The following APOB variants were observed in gnomAD, a reference collection of about 807,000 sequenced individuals.
APOB encodes apolipoprotein B.
In APOB, 153 loss-of-function variants were observed where a neutral mutation model predicts 314.1. The observed-to-expected ratio is 0.49, with a 90% confidence interval of 0.43 to 0.56. The LOEUF (loss-of-function observed/expected upper bound fraction) is 0.56. APOB is among the 20% of genes least tolerant of loss of function. The probability of loss-of-function intolerance (pLI) is 0.00; values close to 1 mark genes in which losing one functional copy is unlikely to be tolerated. For synonymous variants in APOB, 2,087 were observed against 2,036.4 expected (o/e 1.02, Z -0.67); for missense variants, 5,430 against 5,350.7 (o/e 1.01, Z -0.46).
chr2:21,004,642 A>G lies in APOB; in HGVS notation c.11822T>C (p.Leu3941Ser). Residue 3941 changes from leucine to serine, a missense_variant, in exon 27 of 29, where the codon TTA becomes TCA. Leu to Ser is a moderately radical substitution (Grantham distance 145). Around this residue, in one of 3 missense-constraint regions of APOB, gnomAD observed 3,281 missense variants for 3,171.0 expected, o/e 1.03. Transcript: ENST00000233242. ...AAATGTTCCTTTAGTCTTAGAGGCTAACGTACCATCTTCGATTTTGTGTGT... is the reference window on the plus strand; with the variant it reads ...AAATGTTCCTTTAGTCTTAGAGGCTGACGTACCATCTTCGATTTTGTGTGT... The part of the protein sequence containing the change: ...LGTHKIEDGT[L>S]ASKTKGTFAH... 4.3e-6 allele frequency: 7 copies of G among 1,613,922 alleles called. No individual in the cohort carries two copies. The highest frequency in any genetic ancestry group is 5.9e-6 in the Non-Finnish European group (7 of 1,179,822).
chr2:21,038,205 T>A, intron 4 of APOB, 94 bp from the exon 5 acceptor site: 1 of 1,344,724 alleles, frequency 7.4e-7, no homozygotes, highest in South Asian at 1.2e-5. Context: ...TTTCTCATAT[T>A]TTTTTAACCA....
rs767395919 is a variant in APOB at position 21,007,438 on chromosome 2, T to G, written c.9430A>C (p.Thr3144Pro). 6.2e-7 allele frequency: 1 copy of G among 1,613,900 alleles called. No homozygotes were observed. Among genetic ancestry groups the G allele is most frequent in the South Asian group, 1.1e-5 (1 of 91,080 alleles). ...AGAGAGAAATCTTTCAGTGGAGGAGTTGTGATTATTGTGTAAGGTAGACGC... is the reference window on the plus strand; with the variant it reads ...AGAGAGAAATCTTTCAGTGGAGGAGGTGTGATTATTGTGTAAGGTAGACGC... ...EMRLPYTIIT[T>P]PPLKDFSLWE... The change falls in exon 26 of 29, where the codon ACT (threonine) becomes CCT (proline). Residue 3144 changes from threonine to proline, a missense_variant. Around this residue, in one of 3 missense-constraint regions of APOB, gnomAD observed 3,281 missense variants for 3,171.0 expected, o/e 1.03. Transcript: ENST00000233242.
chr2:21,004,955 T>C lies in APOB; in HGVS notation c.11788+125A>G, dbSNP rs977528613. On this transcript the variant is annotated intron_variant, in intron 26 of 28. Coordinates refer to ENST00000233242, the MANE Select transcript of APOB (RefSeq NM_000384.3). Reference sequence around the variant, plus strand: ...GTGTAGGGTATACATGTATCTCTTTTCTTACTTAAAATTTTGTGACATTGA... The same window carrying C: ...GTGTAGGGTATACATGTATCTCTTTCCTTACTTAAAATTTTGTGACATTGA... 4.2e-5 allele frequency: 56 copies of C among 1,339,042 alleles called. No homozygotes were observed. In the African/African-American group the frequency reaches 7.8e-4, roughly 19 times the overall value. The allele number at this position is 1,339,042 out of a possible 1,614,324, so 82.9% of individuals were successfully genotyped here. A position where few individuals can be genotyped will look rare whatever the true frequency, so the allele number is the denominator to read the frequency against.
Position 21,008,233 on chromosome 2 carries a change from T to A in APOB, c.8635A>T (p.Asn2879Tyr), listed in dbSNP as rs200367807. 10 of 1,614,116 alleles carry A rather than the reference T, an allele frequency of 6.2e-6. No homozygotes were observed. In the African/African-American group the frequency reaches 8.0e-5, roughly 13 times the overall value. Residue 2879 changes from asparagine (N) to tyrosine (Y), a missense_variant, in exon 26 of 29, where the codon AAT (asparagine) becomes TAT (tyrosine). Around this residue, in one of 3 missense-constraint regions of APOB, gnomAD observed 3,281 missense variants for 3,171.0 expected, o/e 1.03. Transcript: ENST00000233242. ...LSNGVIVKIN[N>Y]QLTLDSNTKY... The stretch of plus-strand genomic sequence containing the variant: ...GTGTTGCTATCCAGGGTAAGCTGAT[T>A]GTTTATCTTGACAATCACTCCATTA...
chr2:21,002,699 T>A lies in APOB; in HGVS notation c.12723A>T (p.Ile4241=), dbSNP rs563130890. The change falls in exon 29 of 29, where the codon ATA becomes ATT. Residue 4241 remains isoleucine, a synonymous_variant. Coordinates refer to ENST00000233242, the MANE Select transcript of APOB (RefSeq NM_000384.3). The part of the protein sequence containing the change: ...VYSKVHNGSE[I]LFSYFQDLVI... The stretch of plus-strand genomic sequence containing the variant: ...CTAGGTCTTGGAAATAGGAAAACAG[T>A]ATTTCTGAACCATTATGGACTTTCG... 1 of 1,613,778 alleles carries A rather than the reference T, an allele frequency of 6.2e-7. No homozygotes were observed. Among genetic ancestry groups the A allele is most frequent in the Non-Finnish European group, 8.5e-7 (1 of 1,179,862 alleles).
In APOB at chr2:21,001,858, C is replaced by G; in HGVS notation, c.13564G>C (p.Asp4522His). The G allele has an allele frequency of 1.2e-6, 2 of 1,613,972 alleles. No homozygotes were observed. Among genetic ancestry groups the G allele is most frequent in the Non-Finnish European group, 1.7e-6 (2 of 1,179,950 alleles). Reference protein sequence around the residue: ...KFIAESKRLIDLSIQNYHTFL... With the variant: ...KFIAESKRLIHLSIQNYHTFL... ...GTGTGGTAGTTTTGAATGGACAGGT[C>G]AATCAATCTTTTGGATTCAGCAATA... Residue 4522 changes from aspartate (D) to histidine (H), a missense_variant, in exon 29 of 29, where the codon GAC (aspartate) becomes CAC (histidine). Physicochemically the swap from Asp to His is moderately conservative, Grantham distance 81. Around this residue, in one of 3 missense-constraint regions of APOB, gnomAD observed 3,281 missense variants for 3,171.0 expected, o/e 1.03. Coordinates refer to ENST00000233242, the MANE Select transcript of APOB (RefSeq NM_000384.3).
intron 24 of APOB, 74 bp downstream of exon 24, chr2:21,014,374 G>C: frequency 6.4e-7 from 1 of 1,555,274 alleles, no homozygotes; most frequent in Non-Finnish European, 8.8e-7. Flanking sequence ...TTAAAAAAAT[G>C]TCTAAATCAT....
At chr2:21,020,433 C>T (rs990738546) in intron 18 of APOB, among the ~76,000 whole-genome samples, 1 of 152,206 alleles carries the variant, frequency 6.6e-6, no homozygotes, top group African/African-American at 2.4e-5. Context: ...TCTACTTCCT[C>T]CCAATGTGCT....
At position 21,014,955 on chromosome 2, in the gene APOB, T is replaced by C. The variant is rs887752266; in HGVS notation, c.3696+118A>G. On this transcript the variant is annotated intron_variant, in intron 23 of 28. Transcript: ENST00000233242. The stretch of plus-strand genomic sequence containing the variant: ...TTTTTTTTTCTCCCCAAGAATTCCC[T>C]GGGGGGAAGGAAGCATGCCTTATAC... 1.1e-4 allele frequency: 119 copies of C among 1,118,100 alleles called. 1 individual carries two copies. The highest frequency in any genetic ancestry group is 2.9e-4 in the Middle Eastern group (1 of 3,458). The allele number at this position is 1,118,100 out of a possible 1,614,324, so 69.3% of individuals were successfully genotyped here.
rs144040999 is a variant in APOB, at chr2:21,002,120, G to A, written c.13302C>T (p.Ser4434=). 256 of 1,613,792 alleles carry A rather than the reference G, an allele frequency of 1.6e-4. No homozygotes were observed. Among genetic ancestry groups the A allele is most frequent in the Non-Finnish European group, 1.7e-4 (203 of 1,179,990 alleles). Residue 4434 remains serine, a synonymous_variant, in exon 29 of 29, where the codon TCC becomes TCT. Transcript: ENST00000233242. ...EYIVSASNFT[S]QLSSQVEQFL... is the part of the protein sequence containing the mutation. Reference sequence around the variant, plus strand: ...ATTGCTCAACTTGACTTGAGAGTTGGGAAGTAAAGTTAGAGGCACTGACAA... The same window carrying A: ...ATTGCTCAACTTGACTTGAGAGTTGAGAAGTAAAGTTAGAGGCACTGACAA...
chr2:21,023,090 C>T (rs1221617671), intron 17 of APOB, 48 bp from the exon 18 acceptor site: 3 of 1,537,524 alleles, frequency 2.0e-6, no homozygotes, highest in Non-Finnish European at 2.7e-6. Context: ...TACTTCAGTC[C>T]CCTGTCAGTC....
rs747991503 is a variant in APOB, at chr2:21,043,496, A to C, written c.121+17T>G. The C allele has an allele frequency of 1.3e-6, 2 of 1,599,028 alleles. No homozygotes were observed. The highest frequency in any genetic ancestry group is 1.1e-5 in the South Asian group (1 of 88,088). On this transcript the variant is annotated intron_variant, in intron 2 of 28. Coordinates refer to ENST00000233242, the MANE Select transcript of APOB (RefSeq NM_000384.3). ...GGGGCTGGGCGCCCTTCCACGCCCC[A>C]TGCGCAGATGCCTTACTTGGACAGA...
At position 21,002,643 on chromosome 2, in the gene APOB, T is replaced by C. The variant is rs781061676; in HGVS notation, c.12779A>G (p.His4260Arg). Residue 4260 changes from histidine (H) to arginine (R), a missense_variant, in exon 29 of 29, where the codon CAT becomes CGT. Around this residue, in one of 3 missense-constraint regions of APOB, gnomAD observed 3,281 missense variants for 3,171.0 expected, o/e 1.03. Coordinates refer to ENST00000233242, the MANE Select transcript of APOB (RefSeq NM_000384.3). ...CATCGAGATTACATCTATTAGTTTA[T>C]GTTTCCTTAACTCGAAAGGAAGTGT... ...VITLPFELRK[H>R]KLIDVISMYR... The C allele has an allele frequency of 2.7e-5, 43 of 1,613,734 alleles. No homozygotes were observed. Among genetic ancestry groups the C allele is most frequent in the Non-Finnish European group, 3.0e-5 (35 of 1,179,878 alleles).
rs1558571047 is a variant in APOB, at chr2:21,025,131, G to A, written c.2245-7C>T. On this transcript the variant is annotated splice_polypyrimidine_tract_variant and splice_region_variant and intron_variant, in intron 15 of 28. Coordinates refer to ENST00000233242, the MANE Select transcript of APOB (RefSeq NM_000384.3). ...TTATTCCATTTACCATATCCTGAGAGTTTAGTAATAAAATGGCCAGTGAGA... is the reference window on the plus strand; with the variant it reads ...TTATTCCATTTACCATATCCTGAGAATTTAGTAATAAAATGGCCAGTGAGA... 6.2e-7 allele frequency: 1 copy of A among 1,613,358 alleles called. No homozygotes were observed. The highest frequency in any genetic ancestry group is 8.5e-7 in the Non-Finnish European group (1 of 1,179,858).
At position 21,024,930 on chromosome 2, in the gene APOB, T is replaced by C; in HGVS notation, c.2436+3A>G. On this transcript the variant is annotated splice_donor_region_variant and intron_variant, in intron 16 of 28. Transcript: ENST00000233242. Reference sequence around the variant, plus strand: ...GGGCCCCCAGTGGGGCCTGCTGACTTACCATCTGGGGGATCCCCTGCAGAG... The same window carrying C: ...GGGCCCCCAGTGGGGCCTGCTGACTCACCATCTGGGGGATCCCCTGCAGAG... 5 of 1,613,858 alleles carry C rather than the reference T, an allele frequency of 3.1e-6. No homozygotes were observed. The highest frequency in any genetic ancestry group is 4.2e-6 in the Non-Finnish European group (5 of 1,179,946).
At chr2:21,029,221 A>T (rs1044701382) in intron 12 of APOB, among the ~76,000 whole-genome samples, 5 of 152,216 alleles carry the variant, frequency 3.3e-5, no homozygotes, top group Non-Finnish European at 7.3e-5. Context: ...AGGCTGAGGC[A>T]GGCGGATCAC....
chr2:21,009,689 C>G lies in APOB; in HGVS notation c.7179G>C (p.Leu2393Phe), dbSNP rs761964409. The change falls in exon 26 of 29, where the codon TTG becomes TTC. Residue 2393 changes from leucine to phenylalanine, a missense_variant. Transcript: ENST00000233242. ...QVKIKDYFEK[L>F]VGFIDDAVKK... The stretch of plus-strand genomic sequence containing the variant: ...TGACAGCATCATCAATAAATCCAAC[C>G]AATTTCTCAAAGTAATCTTTTATCT... 1 of 1,613,144 alleles carries G rather than the reference C, an allele frequency of 6.2e-7. No homozygotes were observed. The highest frequency in any genetic ancestry group is 8.5e-7 in the Non-Finnish European group (1 of 1,179,498).
intron 8 of APOB, among the ~76,000 whole-genome samples, chr2:21,033,850 G>T (rs1321383664): frequency 6.6e-6 from 1 of 152,208 alleles, no homozygotes; most frequent in African/African-American, 2.4e-5. Context: ...ATGAGACCCA[G>T]AGATGAGGAA....
chr2:21,001,682 GA>G lies in APOB; in HGVS notation c.*47del. On this transcript the variant is annotated 3_prime_UTR_variant, in exon 29 of 29. Transcript: ENST00000233242. ...AGTTTGAATTTTTTCTGTGCTATGT[GA>G]AAGTTCAATTGGAAAAGAAGAATAA... 1 of 1,594,478 alleles carries G rather than the reference GA, an allele frequency of 6.3e-7. No homozygotes were observed.
Sources: gnomAD v4.1 joint callset for allele counts (sites outside exome capture counted in the v4.1 genomes callset) on GRCh38, gnomAD v4.1.1 for gene constraint, gnomAD v4.1.1 regional missense constraint, MANE v1.5 for transcripts, NCBI Gene and HGNC (gene_info 2026-07-23, HGNC 2026-07-21) for gene names.